Variants in METTL24 observed in about 807,000 individuals in gnomAD.
METTL24 encodes the protein probable methyltransferase-like protein 24.
METTL24 carries 29 observed loss-of-function variants against 32.7 expected under a neutral mutation model. The ratio of observed to expected loss-of-function variants is 0.89; its 90% CI spans 0.66 to 1.21. METTL24 has a LOEUF of 1.21. Among genes scored for constraint, METTL24 ranks in the 50% most tolerant of loss-of-function variants. The probability of loss-of-function intolerance (pLI) is 0.00; values close to 1 mark genes in which losing one functional copy is unlikely to be tolerated. For synonymous variants in METTL24, 163 were observed against 179.5 expected, an observed-to-expected ratio of 0.91 and a Z score of 0.73; for missense variants, 439 against 468.1, an observed-to-expected ratio of 0.94 and a Z score of 0.57.
At chr6:110,294,425 A>G (rs1044486344) in intron 4 of METTL24, among the ~76,000 whole-genome samples, 1 of 151,854 alleles carries the variant, frequency 6.6e-6, no homozygotes, top group African/African-American at 2.4e-5. Flanking sequence ...AGTTAATTAT[A>G]TACTTTTTAA....
intron 4 of METTL24, among the ~76,000 whole-genome samples, chr6:110,274,026 T>C (rs1037589312): frequency 6.6e-6 from 1 of 152,232 alleles, no homozygotes; most frequent in African/African-American, 2.4e-5. Context: ...CTATACACCA[T>C]GGAATACTAT....
intron 1 of METTL24, among the ~76,000 whole-genome samples, chr6:110,339,578 A>G (rs1772311745): frequency 6.6e-6 from 1 of 152,212 alleles, no homozygotes; most frequent in Admixed American, 6.5e-5. Flanking sequence ...CAAAACTGGG[A>G]AGGGTGGGTG....
intron 4 of METTL24, among the ~76,000 whole-genome samples, chr6:110,293,093 T>A (rs1176920150): frequency 6.6e-6 from 1 of 151,982 alleles, no homozygotes; most frequent in Non-Finnish European, 1.5e-5. Flanking sequence ...TAATTCAGTA[T>A]GAACTCTAGA....
chr6:110,319,336 T>C (rs928904830), intron 2 of METTL24, among the ~76,000 whole-genome samples: 3 of 152,000 alleles, frequency 2.0e-5, no homozygotes, highest in African/African-American at 7.3e-5. Flanking sequence ...AAAGTTATAT[T>C]CTGAATATCC....
chr6:110,287,215 C>CA (rs1443924169), intron 4 of METTL24, among the ~76,000 whole-genome samples: 4 of 152,110 alleles, frequency 2.6e-5, no homozygotes, highest in Non-Finnish European at 5.9e-5. Context: ...TGAATTTTGG[C>CA]AAAAACAAAA....
chr6:110,334,166 C>T (rs764156879), intron 1 of METTL24, among the ~76,000 whole-genome samples: 7 of 152,140 alleles, frequency 4.6e-5, no homozygotes, highest in Non-Finnish European at 8.8e-5. Flanking sequence ...CACGAGAGAA[C>T]CTGCAACCCG....
intron 4 of METTL24, among the ~76,000 whole-genome samples, chr6:110,276,278 A>G (rs896565716): frequency 2.0e-5 from 3 of 152,094 alleles, no homozygotes; most frequent in Non-Finnish European, 2.9e-5. Context: ...TACCAAAAAA[A>G]ATTAAAAATA....
chr6:110,335,572 T>G (rs1332343774), intron 1 of METTL24, among the ~76,000 whole-genome samples: 2 of 70,376 alleles, frequency 2.8e-5, no homozygotes, highest in Admixed American at 1.4e-4. Flanking sequence ...CATTGTTTTT[T>G]TTTTTTTTTT....
intron 3 of METTL24, among the ~76,000 whole-genome samples, chr6:110,311,999 G>C (rs1003191769): frequency 6.6e-6 from 1 of 152,088 alleles, no homozygotes; most frequent in Non-Finnish European, 1.5e-5. Context: ...TCAACAGGTT[G>C]TCTCTTCACT....
At position 110,358,008 on chromosome 6, in the gene METTL24, TCCCGCCGCCC is replaced by T; in HGVS notation, c.255_264del (p.Gly86AlafsTer24). 8.6e-7 allele frequency: 1 copy of T among 1,166,152 alleles called. No individual in the cohort carries two copies. Among genetic ancestry groups the T allele is most frequent in the Non-Finnish European group, 1.1e-6 (1 of 946,210 alleles). 72.2% of individuals were successfully genotyped at this position (1,166,152 alleles called of 1,614,324 possible). ...CAGCAGCCAGGCTCCGGCGTCCCGCTCCCGCCGCCCCCCGGCGGCGCCCGGCGACCGCTGC... is the reference window on the plus strand; with the variant it reads ...CAGCAGCCAGGCTCCGGCGTCCCGCTCCCGGCGGCGCCCGGCGACCGCTGC... On this transcript the variant is annotated frameshift_variant, in exon 1 of 5. Coordinates refer to ENST00000338882, the MANE Select transcript of METTL24 (RefSeq NM_001123364.3). LOFTEE classifies it high-confidence loss of function.
In METTL24 at chr6:110,358,154, G is replaced by A; in HGVS notation, c.119C>T (p.Ser40Phe). ...CAELRRAGPG[S>F]PTRSAPPGPA... Reference sequence around the variant, plus strand: ...GCCCGGCGGGGCGCTGCGGGTGGGGGACCCGGGCCCGGCGCGCCGCAGCTC... The same window carrying A: ...GCCCGGCGGGGCGCTGCGGGTGGGGAACCCGGGCCCGGCGCGCCGCAGCTC... The change falls in exon 1 of 5, where the codon TCC becomes TTC. Residue 40 changes from serine (S) to phenylalanine (F), a missense_variant. Transcript: ENST00000338882. The A allele has an allele frequency of 6.7e-6, 8 of 1,191,180 alleles. No homozygotes were observed. Among genetic ancestry groups the A allele is most frequent in the Non-Finnish European group, 7.3e-6 (7 of 963,272 alleles). The allele number at this position is 1,191,180 out of a possible 1,614,324, so 73.8% of individuals were successfully genotyped here.
At chr6:110,329,674 G>A (rs1259916213) in intron 1 of METTL24, among the ~76,000 whole-genome samples, 4 of 152,266 alleles carry the variant, frequency 2.6e-5, no homozygotes, top group Non-Finnish European at 1.5e-5. Flanking sequence ...AGTTTCACGT[G>A]CCTTCCCCTC....
chr6:110,290,584 GAT>G (rs1391141151), intron 4 of METTL24, among the ~76,000 whole-genome samples: 1 of 152,092 alleles, frequency 6.6e-6, no homozygotes, highest in African/African-American at 2.4e-5. Context: ...ATATTTAAGA[GAT>G]ATATCATACC....
intron 4 of METTL24, among the ~76,000 whole-genome samples, chr6:110,271,357 G>A (rs764404944): frequency 6.6e-6 from 1 of 152,058 alleles, no homozygotes; most frequent in Non-Finnish European, 1.5e-5. Context: ...GTACAGTGGC[G>A]TAATCTTGGC....
chr6:110,351,741 C>T lies in METTL24; in HGVS notation c.318+6214G>A, dbSNP rs188981487. On this transcript the variant is annotated intron_variant, in intron 1 of 4. Coordinates refer to ENST00000338882, the MANE Select transcript of METTL24 (RefSeq NM_001123364.3). ...TTTGTTTAGGTCAAGTGGCCTGAGC[C>T]GGCTGGTCCAGTGTGAATGTCAAAG... 1.8e-3 allele frequency among the ~76,000 whole-genome samples: 267 copies of T among 152,320 alleles called. 2 individuals are homozygous for T. Among genetic ancestry groups the T allele is most frequent in the African/African-American group, 6.2e-3 (258 of 41,568 alleles).
At chr6:110,294,131 T>G (rs1771369145) in intron 4 of METTL24, among the ~76,000 whole-genome samples, 1 of 151,936 alleles carries the variant, frequency 6.6e-6, no homozygotes, top group Non-Finnish European at 1.5e-5. Flanking sequence ...CATTTTTTAT[T>G]TTTTTTATGT....
rs781377595 is a variant in METTL24, at chr6:110,358,216, G to A, written c.57C>T (p.Leu19=). ...RGCGVLRRCL[L]GAVLLFGLRL... is the part of the protein sequence containing the mutation. ...GCAGGCCGAACAACAGCACAGCCCC[G>A]AGTAGACACCGGCGCAGGACGCCGC... Residue 19 remains leucine (L), a synonymous_variant, in exon 1 of 5, where the codon CTC becomes CTT. Transcript: ENST00000338882. The A allele has an allele frequency of 2.0e-6, 3 of 1,482,222 alleles. No homozygotes were observed. The highest frequency in any genetic ancestry group is 2.7e-6 in the Non-Finnish European group (3 of 1,122,936). 91.8% of individuals were successfully genotyped at this position (1,482,222 alleles called of 1,614,324 possible).
chr6:110,254,653 AAAAT>A (rs1778350363), intron 4 of METTL24, among the ~76,000 whole-genome samples: 1 of 152,152 alleles, frequency 6.6e-6, no homozygotes, highest in African/African-American at 2.4e-5. Flanking sequence ...TAAATACATA[AAAAT>A]AAATAAATAA....
chr6:110,275,567 A>G (rs1245325348), intron 4 of METTL24, among the ~76,000 whole-genome samples: 1 of 152,142 alleles, frequency 6.6e-6, no homozygotes, highest in East Asian at 1.9e-4. Flanking sequence ...GGCACCAAGT[A>G]CTTTATTATA....
Sources: allele counts gnomAD v4.1 joint callset (sites outside exome capture counted in the v4.1 genomes callset), GRCh38; gene constraint gnomAD v4.1.1; transcripts MANE v1.5; gene names NCBI Gene and HGNC (gene_info 2026-07-23, HGNC 2026-07-21).